Variants in KYAT1 observed in about 807,000 individuals in gnomAD.
KYAT1 encodes kynurenine aminotransferase 1.
KYAT1 carries 47 observed loss-of-function variants against 52.4 expected under a neutral mutation model. The ratio of observed to expected loss-of-function variants is 0.90; its 90% CI spans 0.71 to 1.14. KYAT1 has a LOEUF of 1.14. KYAT1 is among the 50% of genes most tolerant of loss of function. KYAT1 has a pLI of 0.00. For missense variants in KYAT1, 480 were observed against 557.9 expected, an observed-to-expected ratio of 0.86 and a Z score of 1.41; for synonymous variants, 212 against 209.6, an observed-to-expected ratio of 1.01 and a Z score of -0.10.
At position 128,838,147 on chromosome 9, in the gene KYAT1, G is replaced by C; in HGVS notation, c.352-10C>G. ...GTTCGATGATGATGACCTGATATAA[G>C]GGTCAAATCAGCTGGAGTCAGCATG... On this transcript the variant is annotated splice_polypyrimidine_tract_variant and intron_variant, in intron 4 of 12. Transcript: ENST00000302586. The C allele has an allele frequency of 6.2e-7, 1 of 1,614,034 alleles. No individual in the cohort carries two copies. The highest frequency in any genetic ancestry group is 8.5e-7 in the Non-Finnish European group (1 of 1,179,932).
In KYAT1 at chr9:128,835,875, C is replaced by A; in HGVS notation, c.766-7G>T. The A allele has an allele frequency of 6.2e-7, 1 of 1,614,068 alleles. No homozygotes were observed. The highest frequency in any genetic ancestry group is 8.5e-7 in the Non-Finnish European group (1 of 1,179,928). On this transcript the variant is annotated splice_polypyrimidine_tract_variant and splice_region_variant and intron_variant, in intron 8 of 12. Transcript: ENST00000302586. ...GACCCAGGACCCAGCCCACCTGCAG[C>A]AGGGGCGCAGGTAGGGGGAGAGGTC...
At chr9:128,861,057 T>A (rs57082147) in intron 1 of KYAT1, among the ~76,000 whole-genome samples, 7 of 152,202 alleles carry the variant, frequency 4.6e-5, no homozygotes, top group Admixed American at 3.3e-4. Context: ...ATGGGAACAA[T>A]AGACTTGCTT....
intron 3 of KYAT1, among the ~76,000 whole-genome samples, chr9:128,841,692 C>T (rs1286699789): frequency 2.5e-5 from 1 of 39,282 alleles, no homozygotes; most frequent in Non-Finnish European, 5.3e-5. Context: ...GAGACTCCAT[C>T]TCAAAAAAAA....
chr9:128,857,853 A>G (rs12551773), intron 1 of KYAT1, among the ~76,000 whole-genome samples: 10,576 of 152,270 alleles, frequency 0.069, 645 homozygotes, highest in Admixed American at 0.2. Flanking sequence ...ACAAACAAAC[A>G]AAAAACAAAA....
chr9:128,877,868 C>T (rs533828906), intron 1 of KYAT1, among the ~76,000 whole-genome samples: 16 of 152,306 alleles, frequency 1.1e-4, no homozygotes, highest in African/African-American at 3.6e-4. Flanking sequence ...CAACACACAT[C>T]GTGGCACCTC....
chr9:128,850,343 G>A (rs1833787534), intron 1 of KYAT1, among the ~76,000 whole-genome samples: 1 of 152,174 alleles, frequency 6.6e-6, no homozygotes, highest in African/African-American at 2.4e-5. Flanking sequence ...TTGCTGAGAT[G>A]TTGTTAATTT....
intron 1 of KYAT1, among the ~76,000 whole-genome samples, chr9:128,874,263 A>C (rs1380152232): frequency 6.6e-6 from 1 of 151,954 alleles, no homozygotes; most frequent in Non-Finnish European, 1.5e-5. Flanking sequence ...TTCCAAAAAA[A>C]AAAAAAGAAT....
At chr9:128,871,616 C>G (rs993955424) in intron 1 of KYAT1, among the ~76,000 whole-genome samples, 1 of 148,860 alleles carries the variant, frequency 6.7e-6, no homozygotes, top group Non-Finnish European at 1.5e-5. Flanking sequence ...GGAGGCTCAG[C>G]TGGGAGTATT....
chr9:128,857,565 G>A lies in KYAT1; in HGVS notation c.-6-12154C>T, dbSNP rs928691085. ...ATAACTAAATGTATGGGCTGGGGACGGTGTCTCACGCCTGTAATCCCAGCA... is the reference window on the plus strand; with the variant it reads ...ATAACTAAATGTATGGGCTGGGGACAGTGTCTCACGCCTGTAATCCCAGCA... On this transcript the variant is annotated intron_variant, in intron 1 of 12. Transcript: ENST00000302586. Among the ~76,000 whole-genome samples the A allele has an allele frequency of 4.6e-5, 7 of 152,294 alleles. No individual in the cohort carries two copies. The East Asian group carries it at 5.8e-4, about 13-fold the overall frequency.
chr9:128,837,069 G>A (rs1246192671), intron 6 of KYAT1, 147 bp from the exon 7 acceptor site: 24 of 984,142 alleles, frequency 2.4e-5, no homozygotes, highest in Non-Finnish European at 3.4e-5. Flanking sequence ...CGAGGCGGGC[G>A]GAACACTGGA....
chr9:128,846,072 G>A (rs1337153460), intron 1 of KYAT1, among the ~76,000 whole-genome samples: 1 of 152,180 alleles, frequency 6.6e-6, no homozygotes, highest in East Asian at 1.9e-4. Flanking sequence ...CTGGCTCCTG[G>A]CTCGCCCCTC....
At chr9:128,851,669 T>C (rs773779109) in intron 1 of KYAT1, among the ~76,000 whole-genome samples, 1 of 152,164 alleles carries the variant, frequency 6.6e-6, no homozygotes, top group Non-Finnish European at 1.5e-5. Context: ...TAGAAGAAGA[T>C]AGCATTTCAG....
Position 128,835,524 on chromosome 9 carries a change from G to A in KYAT1, c.999C>T (p.Ile333=), listed in dbSNP as rs201434056. ...SLQSVGLKPI[I]PQGSYFLITD... ...TGATGAGGAAGTAGCTGCCCTGAGG[G>A]ATGATGGGCTTCAGGCCCACTGACT... Residue 333 remains isoleucine, a synonymous_variant, in exon 10 of 13, where the codon ATC becomes ATT. Coordinates refer to ENST00000302586, the MANE Select transcript of KYAT1 (RefSeq NM_004059.5). 167 of 1,613,780 alleles carry A rather than the reference G, an allele frequency of 1.0e-4. 1 individual carries two copies. The African/African-American group carries it at 2.0e-3, about 19-fold the overall frequency.
Position 128,836,009 on chromosome 9 carries a change from G to A in KYAT1, c.753C>T (p.Ala251=), listed in dbSNP as rs1368832059. ...TIGSAGKTFS[A]TGWKVGWVLG... ...CTCAGCAACTCACCTTCCAGCCAGT[G>A]GCGCTGAAGGTCTTGCCGGCGCTGC... Residue 251 remains alanine, a synonymous_variant, in exon 8 of 13, where the codon GCC becomes GCT. Coordinates refer to ENST00000302586, the MANE Select transcript of KYAT1 (RefSeq NM_004059.5). 3.7e-6 allele frequency: 6 copies of A among 1,613,330 alleles called. No individual in the cohort carries two copies. The highest frequency in any genetic ancestry group is 2.2e-5 in the South Asian group (2 of 91,070).
At chr9:128,839,788 C>T (rs1831813383) in intron 3 of KYAT1, among the ~76,000 whole-genome samples, 1 of 152,246 alleles carries the variant, frequency 6.6e-6, no homozygotes, top group Non-Finnish European at 1.5e-5. Flanking sequence ...CACCGTGGCT[C>T]ACGCCTGTAA....
At chr9:128,854,589 C>T (rs183249122) in intron 1 of KYAT1, among the ~76,000 whole-genome samples, 1 of 152,276 alleles carries the variant, frequency 6.6e-6, no homozygotes, top group East Asian at 1.9e-4. Flanking sequence ...CTAAAGTACA[C>T]AAGGGTAACA....
rs745620504 is a variant in KYAT1 at position 128,833,845 on chromosome 9, A to C, written c.1123-19T>G. ...CCAAGCCCTGGGGAGGAGGAAGGACATGTCTCAACACGGCCTCGTGGCCCA... is the reference window on the plus strand; with the variant it reads ...CCAAGCCCTGGGGAGGAGGAAGGACCTGTCTCAACACGGCCTCGTGGCCCA... On this transcript the variant is annotated intron_variant, in intron 11 of 12. Coordinates refer to ENST00000302586, the MANE Select transcript of KYAT1 (RefSeq NM_004059.5). 6.8e-6 allele frequency: 11 copies of C among 1,606,264 alleles called. No individual in the cohort carries two copies. The highest frequency in any genetic ancestry group is 9.4e-6 in the Non-Finnish European group (11 of 1,172,938).
chr9:128,875,282 T>TG (rs1837843181), intron 1 of KYAT1, among the ~76,000 whole-genome samples: 1 of 147,912 alleles, frequency 6.8e-6, no homozygotes, highest in Non-Finnish European at 1.5e-5. Context: ...GTTTTTGAGA[T>TG]GGAGTCCTGC....
chr9:128,842,771 A>G lies in KYAT1; in HGVS notation c.84T>C (p.His28=). Residue 28 remains histidine, a synonymous_variant, in exon 3 of 13, where the codon CAT becomes CAC. Coordinates refer to ENST00000302586, the MANE Select transcript of KYAT1 (RefSeq NM_004059.5). ...WVEFVKLASE[H]DVVNLGQGFP... Reference sequence around the variant, plus strand: ...AGCCCTGGCCCAAGTTCACGACGTCATGCTCACTGGCCAGTTTCACAAACT... The same window carrying G: ...AGCCCTGGCCCAAGTTCACGACGTCGTGCTCACTGGCCAGTTTCACAAACT... 6.2e-7 allele frequency: 1 copy of G among 1,614,162 alleles called. No individual in the cohort carries two copies. Among genetic ancestry groups the G allele is most frequent in the Non-Finnish European group, 8.5e-7 (1 of 1,180,018 alleles).
Sources: allele counts gnomAD v4.1 joint callset (sites outside exome capture counted in the v4.1 genomes callset), GRCh38; gene constraint gnomAD v4.1.1; transcripts MANE v1.5; gene names NCBI Gene and HGNC (gene_info 2026-07-23, HGNC 2026-07-21).